The following CCDC154 variants were observed in gnomAD, a reference collection of about 807,000 sequenced individuals.
CCDC154 encodes the protein coiled-coil domain containing 154, also known as coiled-coil domain-containing protein 154.
In CCDC154, 91 loss-of-function variants were observed where a neutral mutation model predicts 87.5. The ratio of observed to expected loss-of-function variants is 1.04; its 90% CI spans 0.88 to 1.24. CCDC154 has a LOEUF of 1.24. Ranked by LOEUF, CCDC154 falls within the 50% of genes most tolerant of loss-of-function variation. The pLI is 0.00. For synonymous variants in CCDC154, 418 were observed against 400.4 expected (o/e 1.04, Z -0.52); for missense variants, 903 against 879.2 (o/e 1.03, Z -0.34).
chr16:1,437,957 G>T lies in CCDC154; in HGVS notation c.1153-3C>A. On this transcript the variant is annotated splice_polypyrimidine_tract_variant and splice_region_variant and intron_variant, in intron 10 of 16. Coordinates refer to ENST00000389176, the MANE Select transcript of CCDC154 (RefSeq NM_001143980.3). ...AGAGCCCGGCTCTTCTCTCGGAGCT[G>T]CAGGGGACAGGTGGGCACGGGGAGG... 6.5e-7 allele frequency: 1 copy of T among 1,545,592 alleles called. No individual in the cohort carries two copies.
intron 12 of CCDC154, 42 bp downstream of exon 12, chr16:1,436,650 C>T (rs1173568698): frequency 1.3e-6 from 2 of 1,548,154 alleles, no homozygotes; most frequent in Admixed American, 3.9e-5. Flanking sequence ...CACGCCACCT[C>T]CAAGGCCCAA....
Position 1,442,588 on chromosome 16 carries a change from G to A in CCDC154, c.552-59C>T, listed in dbSNP as rs1433684565. 1.4e-5 allele frequency: 21 copies of A among 1,466,034 alleles called. No individual in the cohort carries two copies. In the East Asian group the frequency reaches 5.2e-4, roughly 37 times the overall value. 90.8% of individuals were successfully genotyped at this position (1,466,034 alleles called of 1,614,324 possible). The stretch of plus-strand genomic sequence containing the variant: ...CTGGCCGGAGGGCCCAGCAGGGTGA[G>A]GCTGACCCACAGGCTGGCCAGGCAG... On this transcript the variant is annotated intron_variant, in intron 5 of 16. Coordinates refer to ENST00000389176, the MANE Select transcript of CCDC154 (RefSeq NM_001143980.3).
rs777786701 is a variant in CCDC154, at chr16:1,442,915, C to G, written c.516G>C (p.Ala172=). 3.2e-6 allele frequency: 5 copies of G among 1,549,872 alleles called. No individual in the cohort carries two copies. In the East Asian group the frequency reaches 9.8e-5, roughly 30 times the overall value. ...CCTCTTGCTCGGCGCCCCTTCTCTC[C>G]GCCTCCTGTTGCACCTGCCTCCTCC... is the stretch of plus-strand genomic sequence containing the variant. The part of the protein sequence containing the change: ...RLRRRQVQQE[A]ERRGAEQEAG... Residue 172 remains alanine (A), a synonymous_variant, in exon 5 of 17, where the codon GCG becomes GCC. Transcript: ENST00000389176.
At chr16:1,438,532 C>T (rs1348176409) in intron 9 of CCDC154, 87 bp downstream of exon 9, 1 of 1,250,946 alleles carries the variant, frequency 8.0e-7, no homozygotes, top group African/African-American at 1.5e-5. Context: ...AGGTCATTCC[C>T]TGCTGAGTCG....
intron 11 of CCDC154, chr16:1,437,041 A>C: frequency 1.7e-6 from 1 of 578,486 alleles, no homozygotes. Context: ...GGCTGTTCCG[A>C]CCACACAGGT....
intron 1 of CCDC154, 72 bp from the exon 2 acceptor site, chr16:1,444,084 C>T (rs1174733092): frequency 8.5e-7 from 1 of 1,179,272 alleles, no homozygotes; most frequent in Non-Finnish European, 1.1e-6. Flanking sequence ...AACAAGGCCC[C>T]AAACCCCCGC....
At chr16:1,438,469 T>A in intron 9 of CCDC154, 150 bp downstream of exon 9, 1 of 799,554 alleles carries the variant, frequency 1.3e-6, no homozygotes, top group Non-Finnish European at 2.0e-6. Context: ...GGAGGAGGGT[T>A]CGCACCATCC....
Position 1,437,860 on chromosome 16 carries a change from C to A in CCDC154, c.1247G>T (p.Arg416Leu). The change falls in exon 11 of 17, where the codon CGG (arginine) becomes CTG (leucine). Residue 416 changes from arginine (R) to leucine (L), a missense_variant. Arg to Leu is a moderately radical substitution (Grantham distance 102, BLOSUM62 -2). Transcript: ENST00000389176. ...LSGHLPALSSRLDLQEQMLGL... is the reference protein window; with the variant it reads ...LSGHLPALSSLLDLQEQMLGL... ...CAGCATCTGCTCCTGCAGATCGAGC[C>A]GGCTGCTCAGAGCCGGGAGATGGCC... is the stretch of plus-strand genomic sequence containing the variant. 1 of 1,542,654 alleles carries A rather than the reference C, an allele frequency of 6.5e-7. No individual in the cohort carries two copies. The highest frequency in any genetic ancestry group is 8.7e-7 in the Non-Finnish European group (1 of 1,146,176).
chr16:1,444,264 C>G (rs2038589552), intron 1 of CCDC154, 52 bp downstream of exon 1: 1 of 1,296,888 alleles, frequency 7.7e-7, no homozygotes, highest in African/African-American at 1.5e-5. Context: ...GGTCCCCACC[C>G]TCACACCTGT....
At position 1,444,248 on chromosome 16, in the gene CCDC154, CA is replaced by C; in HGVS notation, c.7+67del. 3.1e-6 allele frequency: 4 copies of C among 1,277,808 alleles called. No homozygotes were observed. In the South Asian group the frequency reaches 5.2e-5, roughly 16 times the overall value. The allele number at this position is 1,277,808 out of a possible 1,614,324, so 79.2% of individuals were successfully genotyped here. A position where few individuals can be genotyped will look rare whatever the true frequency, so the allele number is the denominator to read the frequency against. On this transcript the variant is annotated intron_variant, in intron 1 of 16. Transcript: ENST00000389176. ...GCTGGAGGGAGCCCGGGGTCAGAAG[CA>C]GAGCGGTCCCCACCCTCACACCTGT...
chr16:1,438,560 C>A, intron 9 of CCDC154, 59 bp downstream of exon 9: 1 of 1,458,542 alleles, frequency 6.9e-7, no homozygotes, highest in South Asian at 1.2e-5. Flanking sequence ...CGGCCCCCTC[C>A]TGAGTGGGAC....
chr16:1,436,468 C>A lies in CCDC154; in HGVS notation c.1464G>T (p.Arg488Ser). Reference protein sequence around the residue: ...CLLHKSDSDLRISAEGKAREF... With the variant: ...CLLHKSDSDLSISAEGKAREF... ...ACCTGGCCTTGCCTTCGGCGGAAATCCTGAGGTCTGAGTCGCTCTTATGAA... is the reference window on the plus strand; with the variant it reads ...ACCTGGCCTTGCCTTCGGCGGAAATACTGAGGTCTGAGTCGCTCTTATGAA... Residue 488 changes from arginine (R) to serine (S), a missense_variant, in exon 13 of 17, where the codon AGG (arginine) becomes AGT (serine). By Grantham distance (110) the Arg-to-Ser change is moderately radical. Transcript: ENST00000389176. 1 of 1,548,958 alleles carries A rather than the reference C, an allele frequency of 6.5e-7. No individual in the cohort carries two copies.
Position 1,436,693 on chromosome 16 carries a change from T to G in CCDC154, c.1409A>C (p.Gln470Pro). The G allele has an allele frequency of 6.5e-7, 1 of 1,550,196 alleles. No individual in the cohort carries two copies. Among genetic ancestry groups the G allele is most frequent in the Non-Finnish European group, 8.7e-7 (1 of 1,146,938 alleles). ...AAGGCTGGCTGTGCCTTCGCCCACC[T>G]GCTGGGGGAGGCCATCCACCTTCTC... is the stretch of plus-strand genomic sequence containing the variant. Reference protein sequence around the residue: ...VREKVDGLPQQIESVSDKCLL... With the variant: ...VREKVDGLPQPIESVSDKCLL... The change falls in exon 12 of 17, where the codon CAG becomes CCG. Residue 470 changes from glutamine to proline, a missense_variant and splice_region_variant. Coordinates refer to ENST00000389176, the MANE Select transcript of CCDC154 (RefSeq NM_001143980.3).
chr16:1,434,886 C>G (rs556373260), intron 15 of CCDC154, 34 bp from the exon 16 acceptor site: 2 of 1,472,634 alleles, frequency 1.4e-6, no homozygotes, highest in East Asian at 2.5e-5. Context: ...CACCCAGGAG[C>G]CAGACCTCCG....
At chr16:1,442,370 C>G (rs1227419723) in intron 6 of CCDC154, 36 bp downstream of exon 6, 1 of 1,522,930 alleles carries the variant, frequency 6.6e-7, no homozygotes, top group Non-Finnish European at 8.8e-7. Context: ...CCTCGGCCCT[C>G]TGGGCGGCCC....
In CCDC154 at chr16:1,444,011, C is replaced by G. The variant is rs1250982140; in HGVS notation, c.9G>C (p.Glu3Asp). Reference protein sequence around the residue: MSELADSGPSGAS... With the variant: MSDLADSGPSGAS... ...CCCCTGAGGGTCCACTGTCAGCCAA[C>G]TCTACAAGGAGGCATCTTGGGAGCT... Residue 3 changes from glutamate to aspartate, a missense_variant and splice_region_variant, in exon 2 of 17, where the codon GAG becomes GAC. Coordinates refer to ENST00000389176, the MANE Select transcript of CCDC154 (RefSeq NM_001143980.3). 2.3e-6 allele frequency: 3 copies of G among 1,298,856 alleles called. No homozygotes were observed. Among genetic ancestry groups the G allele is most frequent in the Admixed American group, 4.6e-5 (2 of 43,552 alleles). 80.5% of individuals were successfully genotyped at this position (1,298,856 alleles called of 1,614,324 possible). A position where few individuals can be genotyped will look rare whatever the true frequency, so the allele number is the denominator to read the frequency against.
rs2142352368 is a variant in CCDC154, at chr16:1,437,949, T to C, written c.1158A>G (p.Arg386=). The change falls in exon 11 of 17, where the codon CGA becomes CGG. Residue 386 remains arginine, a synonymous_variant. Coordinates refer to ENST00000389176, the MANE Select transcript of CCDC154 (RefSeq NM_001143980.3). ...QEMHGELVLL[R]EKSRALEASV... is the part of the protein sequence containing the mutation. ...ATGCCTCCAGAGCCCGGCTCTTCTC[T>C]CGGAGCTGCAGGGGACAGGTGGGCA... The C allele has an allele frequency of 6.5e-7, 1 of 1,546,252 alleles. No individual in the cohort carries two copies.
chr16:1,439,148 C>T (rs1166167961), intron 6 of CCDC154, 22 bp from the exon 7 acceptor site: 1 of 1,543,962 alleles, frequency 6.5e-7, no homozygotes, highest in African/African-American at 1.4e-5. Context: ...GCACATTGTC[C>T]CGTGTGCAGC....
chr16:1,436,848 A>G (rs2038506614), intron 11 of CCDC154, 37 bp from the exon 12 acceptor site: 2 of 1,549,424 alleles, frequency 1.3e-6, no homozygotes, highest in East Asian at 4.9e-5. Flanking sequence ...CAAAGCCAAG[A>G]GAGGGGGGAC....
Sources: gnomAD v4.1 joint callset for allele counts on GRCh38, gnomAD v4.1.1 for gene constraint, MANE v1.5 for transcripts, NCBI Gene and HGNC (gene_info 2026-07-23, HGNC 2026-07-21) for gene names.